KCNH1: variants seen among roughly 807,000 people sequenced by gnomAD.
KCNH1 encodes potassium voltage-gated channel subfamily H member 1, also known as voltage-gated delayed rectifier potassium channel KCNH1.
Under a neutral mutation model 69.2 loss-of-function variants are expected in KCNH1, and 27 were observed. That is an observed-to-expected ratio of 0.39 (90% confidence interval 0.29 to 0.54). The LOEUF (loss-of-function observed/expected upper bound fraction) is 0.54, where lower values mean the gene tolerates loss of function less well. Ranked by LOEUF, KCNH1 falls within the 20% of genes least tolerant of loss-of-function variation. The probability of loss-of-function intolerance (pLI) is 0.68; values close to 1 mark genes in which losing one functional copy is unlikely to be tolerated. For synonymous variants in KCNH1, 456 were observed against 487.7 expected (o/e 0.93, Z 0.86); for missense variants, 798 against 1,261.6 (o/e 0.63, Z 5.57).
chr1:210,900,854 C>G lies in KCNH1; in HGVS notation c.1462+18786G>C, dbSNP rs369585859. 9.2e-5 allele frequency among the ~76,000 whole-genome samples: 14 copies of G among 152,164 alleles called. No homozygotes were observed. The East Asian group carries it at 9.6e-4, about 10-fold the overall frequency. On this transcript the variant is annotated intron_variant, in intron 7 of 10. Transcript: ENST00000271751. ...TCTTCCCATCCTCCTTCTCCTCAAC[C>G]TAGCCAGACAAAAAGAAGCCCAACT...
In KCNH1 at chr1:210,958,291, C is replaced by G. The variant is rs546681851; in HGVS notation, c.1033-38222G>C. ...GCTGAGAGATCTGCTGTTAGTCTGA[C>G]AGGCGTCCCTTTGTGGGTAACTTGA... On this transcript the variant is annotated intron_variant, in intron 6 of 10. Coordinates refer to ENST00000271751, the MANE Select transcript of KCNH1 (RefSeq NM_172362.3). Among the ~76,000 whole-genome samples the G allele has an allele frequency of 2.0e-5, 3 of 152,274 alleles. No individual in the cohort carries two copies. The East Asian group carries it at 5.8e-4, about 29-fold the overall frequency.
At chr1:210,912,138 G>A (rs1687244675) in intron 7 of KCNH1, among the ~76,000 whole-genome samples, 1 of 152,164 alleles carries the variant, frequency 6.6e-6, no homozygotes. Flanking sequence ...GGATAAGAAA[G>A]CCTATTTACA....
chr1:210,958,262 T>G (rs1018528666), intron 6 of KCNH1, among the ~76,000 whole-genome samples: 3 of 152,248 alleles, frequency 2.0e-5, no homozygotes, highest in Admixed American at 6.5e-5. Context: ...CTTGTAGGGT[T>G]TCTGCTGAGA....
At chr1:211,115,081 C>T (rs556072141) in intron 1 of KCNH1, among the ~76,000 whole-genome samples, 27 of 152,146 alleles carry the variant, frequency 1.8e-4, no homozygotes, top group African/African-American at 5.5e-4. Flanking sequence ...CTCCGCCTCC[C>T]GGATTCAAGC....
chr1:211,011,247 G>A (rs547504518), intron 6 of KCNH1, among the ~76,000 whole-genome samples: 82 of 152,216 alleles, frequency 5.4e-4, no homozygotes, highest in African/African-American at 1.9e-3. Context: ...CCGTTCCTGT[G>A]TTAGTTTGCT....
At chr1:210,897,976 G>A (rs1446085240) in intron 7 of KCNH1, among the ~76,000 whole-genome samples, 7 of 152,182 alleles carry the variant, frequency 4.6e-5, no homozygotes, top group Admixed American at 3.9e-4. Flanking sequence ...TTGTGTAGTG[G>A]CTGGCCAGGA....
chr1:210,772,449 G>C (rs374750032), intron 10 of KCNH1, among the ~76,000 whole-genome samples: 1 of 150,568 alleles, frequency 6.6e-6, no homozygotes, highest in African/African-American at 2.4e-5. Flanking sequence ...ACGTAACTAC[G>C]AATTAATTCT....
At chr1:211,081,552 A>G (rs1690860767) in intron 5 of KCNH1, among the ~76,000 whole-genome samples, 1 of 152,262 alleles carries the variant, frequency 6.6e-6, no homozygotes. Context: ...ACAATAGCAA[A>G]GAACTTGGAA....
chr1:210,991,895 C>T (rs1688945691), intron 6 of KCNH1, among the ~76,000 whole-genome samples: 1 of 152,116 alleles, frequency 6.6e-6, no homozygotes, highest in Admixed American at 6.6e-5. Context: ...GAGATTGGGG[C>T]CTCCCCTTTT....
intron 10 of KCNH1, among the ~76,000 whole-genome samples, chr1:210,743,634 G>A (rs1292930162): frequency 6.6e-6 from 1 of 152,202 alleles, no homozygotes; most frequent in Non-Finnish European, 1.5e-5. Flanking sequence ...GACTGGGACT[G>A]ACACAGCCTC....
At chr1:210,917,227 GAGAGAA>G (rs1299229492) in intron 7 of KCNH1, among the ~76,000 whole-genome samples, 987 of 76,954 alleles carry the variant, frequency 0.013, 3 homozygotes, top group African/African-American at 0.03. Context: ...GAGAGAGAGA[GAGAGAA>G]AGAAAGAAAG....
intron 6 of KCNH1, among the ~76,000 whole-genome samples, chr1:210,994,226 T>G (rs1294426962): frequency 1.3e-5 from 2 of 152,182 alleles, no homozygotes; most frequent in African/African-American, 4.8e-5. Context: ...AAAAGATATT[T>G]TCTGTAGACT....
chr1:211,121,573 A>G (rs896065053), intron 1 of KCNH1, among the ~76,000 whole-genome samples: 14 of 152,232 alleles, frequency 9.2e-5, no homozygotes, highest in African/African-American at 3.4e-4. Flanking sequence ...AAAACCATAA[A>G]AACCCTAGAA....
chr1:210,793,370 G>A (rs572765358), intron 9 of KCNH1, among the ~76,000 whole-genome samples: 65 of 152,238 alleles, frequency 4.3e-4, no homozygotes, highest in African/African-American at 1.5e-3. Context: ...GAAAATACCA[G>A]GTTGCAACTC....
At chr1:210,742,608 T>G (rs1347191372) in intron 10 of KCNH1, among the ~76,000 whole-genome samples, 1 of 152,206 alleles carries the variant, frequency 6.6e-6, no homozygotes, top group East Asian at 1.9e-4. Flanking sequence ...TACTGCCTCA[T>G]GCACTTTCCC....
At chr1:211,053,627 A>G (rs1690248446) in intron 5 of KCNH1, among the ~76,000 whole-genome samples, 1 of 152,244 alleles carries the variant, frequency 6.6e-6, no homozygotes, top group Non-Finnish European at 1.5e-5. Flanking sequence ...ATGCCTGGGT[A>G]GAGTCAGAAT....
chr1:210,752,111 G>T (rs1037272173), intron 10 of KCNH1, among the ~76,000 whole-genome samples: 2 of 152,298 alleles, frequency 1.3e-5, no homozygotes, highest in Admixed American at 1.3e-4. Context: ...TCAGGCAAAA[G>T]AATGAAGATA....
rs567088060 is a variant in KCNH1, at chr1:211,075,753, A to T, written c.558+7027T>A. Among the ~76,000 whole-genome samples, 5 of 152,342 alleles carry T rather than the reference A, an allele frequency of 3.3e-5. No homozygotes were observed. In the East Asian group the frequency reaches 7.7e-4, roughly 24 times the overall value. ...GTTGGACAGTGGGTGCAGCCCACAG[A>T]GGGCAAGCCGAAGCAGGGCGGAGCA... is the stretch of plus-strand genomic sequence containing the variant. On this transcript the variant is annotated intron_variant, in intron 5 of 10. Coordinates refer to ENST00000271751, the MANE Select transcript of KCNH1 (RefSeq NM_172362.3).
At position 210,974,561 on chromosome 1, in the gene KCNH1, CTTTTTTTTT is replaced by C. The variant is rs11321855; in HGVS notation, c.1032+44213_1032+44221del. Reference sequence around the variant, plus strand: ...TAGAATTTTTATGTGTTTCTTCATCCTTTTTTTTTTTTTTTTTTTTGAGATGGAGTCTCA... The same window carrying C: ...TAGAATTTTTATGTGTTTCTTCATCCTTTTTTTTTTTGAGATGGAGTCTCA... On this transcript the variant is annotated intron_variant, in intron 6 of 10. Transcript: ENST00000271751. Among the ~76,000 whole-genome samples the C allele has an allele frequency of 5.2e-5, 5 of 95,252 alleles. No individual in the cohort carries two copies. In the East Asian group the frequency reaches 1.5e-3, roughly 28 times the overall value. The allele number at this position is 95,252 out of a possible 152,430, so 62.5% of individuals were successfully genotyped here.
Sources: gnomAD v4.1 joint callset for allele counts (sites outside exome capture counted in the v4.1 genomes callset) on GRCh38, gnomAD v4.1.1 for gene constraint, MANE v1.5 for transcripts, NCBI Gene and HGNC (gene_info 2026-07-23, HGNC 2026-07-21) for gene names.